PSD3: variants seen among roughly 807,000 people sequenced by gnomAD.
PSD3 encodes the protein pleckstrin and Sec7 domain containing 3, also known as PH and SEC7 domain-containing protein 3.
In PSD3, 49 loss-of-function variants were observed where a neutral mutation model predicts 105.5. That is an observed-to-expected ratio of 0.46 (90% confidence interval 0.37 to 0.59). The LOEUF (loss-of-function observed/expected upper bound fraction) is 0.59. PSD3 is among the 20% of genes least tolerant of loss of function. The probability of loss-of-function intolerance (pLI) is 0.00; values close to 1 mark genes in which losing one functional copy is unlikely to be tolerated. For synonymous variants in PSD3, 557 were observed against 457.8 expected, an observed-to-expected ratio of 1.22 and a Z score of -2.77; for missense variants, 1,561 against 1,263.8, an observed-to-expected ratio of 1.24 and a Z score of -3.57.
intron 1 of PSD3, among the ~76,000 whole-genome samples, chr8:18,981,082 A>T (rs1444773686): frequency 6.6e-6 from 1 of 152,004 alleles, no homozygotes; most frequent in Non-Finnish European, 1.5e-5. Context: ...TCCCTTTGTT[A>T]TGTCTGTCTT....
At chr8:18,759,799 A>T (rs73199968) in intron 9 of PSD3, among the ~76,000 whole-genome samples, 8,986 of 151,914 alleles carry the variant, frequency 0.059, 432 homozygotes, top group East Asian at 0.21. Flanking sequence ...TCTTCTTGTC[A>T]TTTATTTCTC....
At chr8:19,070,596 T>C (rs1829221513) in intron 1 of PSD3, among the ~76,000 whole-genome samples, 1 of 152,100 alleles carries the variant, frequency 6.6e-6, no homozygotes, top group African/African-American at 2.4e-5. Flanking sequence ...GAGAATCGCT[T>C]AAATCTGGGA....
At chr8:18,680,631 A>G (rs1482447535) in intron 9 of PSD3, among the ~76,000 whole-genome samples, 4 of 152,208 alleles carry the variant, frequency 2.6e-5, no homozygotes, top group African/African-American at 4.8e-5. Flanking sequence ...TGATACAAAC[A>G]TTATTATCGA....
intron 2 of PSD3, among the ~76,000 whole-genome samples, chr8:18,911,429 G>T (rs951340141): frequency 6.6e-6 from 1 of 152,122 alleles, no homozygotes; most frequent in Non-Finnish European, 1.5e-5. Context: ...TTGATGTCAT[G>T]CTTGACTGGG....
intron 1 of PSD3, among the ~76,000 whole-genome samples, chr8:18,963,829 G>A (rs1005657019): frequency 1.3e-5 from 2 of 152,190 alleles, no homozygotes; most frequent in African/African-American, 4.8e-5. Flanking sequence ...ATTGAAAAGA[G>A]TGAGAGGTAT....
At chr8:18,623,725 C>G (rs931171387) in intron 11 of PSD3, among the ~76,000 whole-genome samples, 1 of 151,646 alleles carries the variant, frequency 6.6e-6, no homozygotes, top group Admixed American at 6.6e-5. Flanking sequence ...CATGTACTAC[C>G]GCCAAATGTA....
intron 2 of PSD3, among the ~76,000 whole-genome samples, chr8:18,879,877 C>T (rs1644212807): frequency 1.3e-5 from 2 of 152,146 alleles, no homozygotes; most frequent in South Asian, 2.1e-4. Flanking sequence ...GGGATTACGG[C>T]GTGAACTAAC....
chr8:18,954,595 A>G (rs1823445293), intron 1 of PSD3, among the ~76,000 whole-genome samples: 1 of 152,178 alleles, frequency 6.6e-6, no homozygotes, highest in Admixed American at 6.5e-5. Flanking sequence ...AAGAATACCA[A>G]GGGACACTGT....
chr8:18,671,853 G>C (rs148418866), intron 9 of PSD3, among the ~76,000 whole-genome samples: 28 of 152,128 alleles, frequency 1.8e-4, no homozygotes, highest in African/African-American at 4.1e-4. Context: ...GAATGGTCTC[G>C]ATCTCCTGAC....
intron 4 of PSD3, among the ~76,000 whole-genome samples, chr8:18,856,519 TGA>T (rs1392530103): frequency 6.6e-6 from 1 of 152,194 alleles, no homozygotes; most frequent in Non-Finnish European, 1.5e-5. Flanking sequence ...AGTTGCTAAG[TGA>T]ATGCCAACTA....
rs200549065 is a variant in PSD3 at position 18,867,816 on chromosome 8, C to A, written c.1492G>T (p.Gly498Trp). The A allele has an allele frequency of 6.2e-7, 1 of 1,614,160 alleles. No individual in the cohort carries two copies. Among genetic ancestry groups the A allele is most frequent in the Non-Finnish European group, 8.5e-7 (1 of 1,180,030 alleles). Residue 498 changes from glycine to tryptophan, a missense_variant, in exon 4 of 16, where the codon GGG (glycine) becomes TGG (tryptophan). By Grantham distance (184) the Gly-to-Trp change is radical. Coordinates refer to ENST00000327040, the MANE Select transcript of PSD3 (RefSeq NM_015310.4). ...CTCAGGATATCCTGATGTCCTCCCC[C>A]TGATGTCCTCTCCAAGAACTGACCA... ...EGGQFLERTS[G>W]GGHQDILSVS... is the part of the protein sequence containing the mutation.
At chr8:18,964,269 G>C (rs73588659) in intron 1 of PSD3, among the ~76,000 whole-genome samples, 8 of 152,092 alleles carry the variant, frequency 5.3e-5, no homozygotes, top group Non-Finnish European at 1.0e-4. Context: ...GACTACATGT[G>C]CCACCATGCC....
chr8:18,907,530 G>C (rs887368211), intron 2 of PSD3, among the ~76,000 whole-genome samples: 1 of 151,882 alleles, frequency 6.6e-6, no homozygotes, highest in African/African-American at 2.4e-5. Flanking sequence ...GATATGTTTT[G>C]ACATACAAAT....
At chr8:19,026,361 C>T (rs902304225) in intron 1 of PSD3, among the ~76,000 whole-genome samples, 2 of 152,080 alleles carry the variant, frequency 1.3e-5, no homozygotes, top group African/African-American at 4.8e-5. Context: ...CAATCTTTAT[C>T]TCCATAACTC....
intron 1 of PSD3, among the ~76,000 whole-genome samples, chr8:19,050,163 G>T (rs1018266379): frequency 6.6e-6 from 1 of 152,116 alleles, no homozygotes; most frequent in Non-Finnish European, 1.5e-5. Context: ...ACTGCAATTT[G>T]CAAATTAGAA....
rs78920562 is a variant in PSD3, at chr8:19,032,898, G to A, written c.324+51308C>T. On this transcript the variant is annotated intron_variant, in intron 1 of 1. Transcript: ENST00000521475. ...AAAGTATTAAGAAGGCTAGTTTAAT[G>A]GTCAAAAAAGTTTTATTTGAGGAAA... 7.9e-5 allele frequency among the ~76,000 whole-genome samples: 12 copies of A among 152,132 alleles called. No homozygotes were observed. In the East Asian group the frequency reaches 2.1e-3, roughly 27 times the overall value.
At chr8:18,630,784 T>C (rs943829767) in intron 11 of PSD3, among the ~76,000 whole-genome samples, 7 of 151,986 alleles carry the variant, frequency 4.6e-5, no homozygotes, top group African/African-American at 1.7e-4. Context: ...TAAAATTCTG[T>C]CTGCATTGAA....
intron 11 of PSD3, among the ~76,000 whole-genome samples, chr8:18,632,238 C>T (rs143319240): frequency 6.6e-6 from 1 of 152,144 alleles, no homozygotes; most frequent in East Asian, 1.9e-4. Flanking sequence ...CAAATTCAAC[C>T]TTTCCCTCAA....
At chr8:18,747,708 G>C (rs1805143486) in intron 9 of PSD3, among the ~76,000 whole-genome samples, 1 of 152,162 alleles carries the variant, frequency 6.6e-6, no homozygotes, top group African/African-American at 2.4e-5. Flanking sequence ...CTTTCCAGCT[G>C]CTAAATAGTG....
Sources: allele counts gnomAD v4.1 joint callset (sites outside exome capture counted in the v4.1 genomes callset), GRCh38; gene constraint gnomAD v4.1.1; transcripts MANE v1.5; gene names NCBI Gene and HGNC (gene_info 2026-07-23, HGNC 2026-07-21).